DPF3: variants seen among roughly 807,000 people sequenced by gnomAD.
DPF3 encodes zinc finger protein DPF3.
DPF3 carries 18 observed loss-of-function variants against 56.8 expected under a neutral mutation model. That is an observed-to-expected ratio of 0.32 (90% confidence interval 0.22 to 0.47). The LOEUF (loss-of-function observed/expected upper bound fraction) is 0.47. DPF3 is among the 20% of genes least tolerant of loss of function. DPF3 has a pLI of 1.00. For synonymous variants in DPF3, 188 were observed against 180.2 expected (o/e 1.04, Z -0.35); for missense variants, 403 against 488.8 (o/e 0.82, Z 1.65).
At chr14:72,828,077 C>CA (rs1883889968) in intron 1 of DPF3, among the ~76,000 whole-genome samples, 1 of 152,156 alleles carries the variant, frequency 6.6e-6, no homozygotes, top group African/African-American at 2.4e-5. Context: ...CAGAGTTCTT[C>CA]AAAAAATATT....
intron 1 of DPF3, among the ~76,000 whole-genome samples, chr14:72,847,579 T>C (rs1390419793): frequency 6.6e-6 from 1 of 151,940 alleles, no homozygotes; most frequent in African/African-American, 2.4e-5. Flanking sequence ...TGGCTCAATC[T>C]GGGCTCACTA....
At chr14:72,825,757 G>A (rs1216638495) in intron 1 of DPF3, among the ~76,000 whole-genome samples, 1 of 145,436 alleles carries the variant, frequency 6.9e-6, no homozygotes, top group Non-Finnish European at 1.5e-5. Context: ...CCTATCACAG[G>A]AGATGGCAGT....
intron 1 of DPF3, among the ~76,000 whole-genome samples, chr14:72,890,323 C>T (rs887423523): frequency 2.0e-5 from 3 of 151,884 alleles, no homozygotes; most frequent in African/African-American, 7.3e-5. Flanking sequence ...AACCCCGTCT[C>T]CACTAAAAAA....
intron 3 of DPF3, among the ~76,000 whole-genome samples, chr14:72,745,787 A>T (rs1890300675): frequency 1.3e-5 from 2 of 152,166 alleles, no homozygotes; most frequent in Admixed American, 1.3e-4. Context: ...TCACGCGCGA[A>T]GTATCAGCCA....
chr14:72,822,731 G>A (rs1883607760), intron 1 of DPF3, among the ~76,000 whole-genome samples: 1 of 152,032 alleles, frequency 6.6e-6, no homozygotes, highest in Non-Finnish European at 1.5e-5. Context: ...TTTTTAGAAG[G>A]AAGGGGAGTG....
intron 1 of DPF3, among the ~76,000 whole-genome samples, chr14:72,830,959 G>GGTGGGAGCACT (rs1362012556): frequency 6.6e-6 from 1 of 152,164 alleles, no homozygotes; most frequent in African/African-American, 2.4e-5. Context: ...GGGCTCTGTG[G>GGTGGGAGCACT]GTGGGAGCAC....
rs1355039173 is a variant in DPF3, at chr14:72,674,335, T to C, written c.776A>G (p.Asn259Ser). ...CCCCAAGCAGAAGTCACAGTAGTTA[T>C]TGGGAATGACTGTTCCATCCGGTCC... ...QKGPDGTVIP[N>S]NYCDFCLGGS... is the part of the protein sequence containing the mutation. Residue 259 changes from asparagine to serine, a missense_variant, in exon 8 of 11, where the codon AAT (asparagine) becomes AGT (serine). Asn to Ser is a conservative substitution (Grantham distance 46). Coordinates refer to ENST00000556509, the MANE Select transcript of DPF3 (RefSeq NM_001280542.3). The C allele has an allele frequency of 1.9e-6, 3 of 1,613,028 alleles. No homozygotes were observed. Among genetic ancestry groups the C allele is most frequent in the Non-Finnish European group, 2.5e-6 (3 of 1,179,626 alleles).
intron 1 of DPF3, among the ~76,000 whole-genome samples, chr14:72,802,362 A>G (rs1426390005): frequency 6.6e-6 from 1 of 152,152 alleles, no homozygotes; most frequent in South Asian, 2.1e-4. Context: ...TTTGGGCTCC[A>G]GTTTGCTCAT....
chr14:72,883,254 A>G (rs1043008068), intron 1 of DPF3, among the ~76,000 whole-genome samples: 1 of 152,162 alleles, frequency 6.6e-6, no homozygotes, highest in Non-Finnish European at 1.5e-5. Context: ...TGAGGCCAGA[A>G]GTTCAAGACC....
chr14:72,872,135 C>T (rs571335435), intron 1 of DPF3, among the ~76,000 whole-genome samples: 1 of 152,260 alleles, frequency 6.6e-6, no homozygotes, highest in South Asian at 2.1e-4. Flanking sequence ...ATATGTTGGC[C>T]CCTTTCAGCC....
At chr14:72,846,343 T>C (rs1380511532) in intron 1 of DPF3, among the ~76,000 whole-genome samples, 3 of 140,630 alleles carry the variant, frequency 2.1e-5, no homozygotes, top group Admixed American at 7.2e-5. Context: ...TTTTTTTTTT[T>C]TTTTTTTTTT....
chr14:72,683,651 C>T (rs189070425), intron 7 of DPF3, among the ~76,000 whole-genome samples: 21 of 152,294 alleles, frequency 1.4e-4, no homozygotes, highest in Admixed American at 1.1e-3. Context: ...CAAGCAACCG[C>T]GCACCTGAGG....
chr14:72,646,260 A>G (rs544225123), intron 8 of DPF3, among the ~76,000 whole-genome samples: 2 of 152,318 alleles, frequency 1.3e-5, no homozygotes, highest in South Asian at 4.1e-4. Context: ...GTCCAGTCCA[A>G]AAGACCTCAC....
chr14:72,689,861 T>C (rs1487594023), intron 7 of DPF3, among the ~76,000 whole-genome samples: 1 of 152,020 alleles, frequency 6.6e-6, no homozygotes, highest in African/African-American at 2.4e-5. Context: ...TGCTGTACCC[T>C]CCCCACTAGC....
chr14:72,783,146 A>T (rs1399902530), intron 1 of DPF3, among the ~76,000 whole-genome samples: 1 of 152,062 alleles, frequency 6.6e-6, no homozygotes, highest in Non-Finnish European at 1.5e-5. Context: ...CTCCTCTGAG[A>T]TGTCTTCTTA....
chr14:72,726,538 C>A (rs1180560675), intron 4 of DPF3, among the ~76,000 whole-genome samples: 3 of 152,172 alleles, frequency 2.0e-5, no homozygotes, highest in Non-Finnish European at 2.9e-5. Flanking sequence ...TGGCGGCAGA[C>A]CCAGTGTGTC....
At chr14:72,822,747 G>C (rs1883608665) in intron 1 of DPF3, among the ~76,000 whole-genome samples, 1 of 152,148 alleles carries the variant, frequency 6.6e-6, no homozygotes, top group Non-Finnish European at 1.5e-5. Flanking sequence ...GAGTGTTATG[G>C]ATTGAGTTTC....
intron 6 of DPF3, among the ~76,000 whole-genome samples, chr14:72,701,090 G>A (rs944813989): frequency 8.5e-5 from 13 of 152,210 alleles, no homozygotes; most frequent in Non-Finnish European, 1.5e-4. Context: ...TCTGTCGTGC[G>A]GAATCAGCCT....
rs2139857226 is a variant in DPF3 at position 72,731,924 on chromosome 14, A to G, written c.312T>C (p.Leu104=). Residue 104 remains leucine, a synonymous_variant, in exon 4 of 11, where the codon CTT becomes CTC. Coordinates refer to ENST00000556509, the MANE Select transcript of DPF3 (RefSeq NM_001280542.3). ...AGGTGAACCCATCCTTCTTCAGGGG[A>G]AGCTCCACTTCTGAAAAACAAAGAT... The part of the protein sequence containing the change: ...RLLEIKPEVE[L]PLKKDGFTSE... 1.3e-6 allele frequency: 2 copies of G among 1,586,810 alleles called. No individual in the cohort carries two copies. The highest frequency in any genetic ancestry group is 1.7e-4 in the Middle Eastern group (1 of 6,026).
Sources: allele counts gnomAD v4.1 joint callset (sites outside exome capture counted in the v4.1 genomes callset), GRCh38; gene constraint gnomAD v4.1.1; transcripts MANE v1.5; gene names NCBI Gene and HGNC (gene_info 2026-07-23, HGNC 2026-07-21).